The following FAM227A variants were observed in gnomAD, a reference collection of about 807,000 sequenced individuals.
The protein encoded by FAM227A is protein FAM227A.
FAM227A carries 80 observed loss-of-function variants against 74.7 expected under a neutral mutation model. The observed-to-expected ratio is 1.07, with a 90% CI of 0.89 to 1.29. The LOEUF (loss-of-function observed/expected upper bound fraction) is 1.29, where lower values mean the gene tolerates loss of function less well. FAM227A is among the 50% of genes most tolerant of loss of function. The pLI is 0.00. For missense variants in FAM227A, 654 were observed against 683.4 expected (o/e 0.96, Z 0.48); for synonymous variants, 237 against 241.8 (o/e 0.98, Z 0.19).
chr22:38,597,081 G>GA (rs1376645952), intron 15 of FAM227A, 123 bp downstream of exon 15: 1 of 845,020 alleles, frequency 1.2e-6, no homozygotes, highest in East Asian at 2.7e-5. Flanking sequence ...CAAGAAAGCT[G>GA]ATTATGCTTA....
chr22:38,616,691 C>G (rs1212830229), intron 11 of FAM227A, among the ~76,000 whole-genome samples: 2 of 151,218 alleles, frequency 1.3e-5, no homozygotes, highest in Admixed American at 6.6e-5. Flanking sequence ...ATAATAAGTT[C>G]TGGAGTGAAA....
chr22:38,630,341 T>C (rs577964861), intron 6 of FAM227A, among the ~76,000 whole-genome samples: 1 of 152,360 alleles, frequency 6.6e-6, no homozygotes, highest in East Asian at 1.9e-4. Flanking sequence ...CTTTCTCACT[T>C]TTCCTCGTGT....
At chr22:38,604,640 AT>A (rs557659382) in intron 13 of FAM227A, among the ~76,000 whole-genome samples, 157 of 152,042 alleles carry the variant, frequency 1.0e-3, no homozygotes, top group Admixed American at 2.8e-3. Context: ...TTTATCACTT[AT>A]TTGCTTTTTA....
intron 6 of FAM227A, among the ~76,000 whole-genome samples, chr22:38,630,303 G>A (rs982404724): frequency 1.3e-5 from 2 of 152,224 alleles, no homozygotes; most frequent in Non-Finnish European, 2.9e-5. Flanking sequence ...CTCGTAAGGA[G>A]CTCTCTGAGC....
chr22:38,645,713 G>C, intron 2 of FAM227A, 68 bp from the exon 3 acceptor site: 3 of 953,384 alleles, frequency 3.1e-6, no homozygotes, highest in Non-Finnish European at 4.9e-6. Context: ...GGGCTTGTCT[G>C]GTGAGAAGGG....
chr22:38,645,685 TAC>T, intron 2 of FAM227A, 40 bp from the exon 3 acceptor site: 1 of 1,314,394 alleles, frequency 7.6e-7, no homozygotes, highest in East Asian at 2.5e-5. Flanking sequence ...GGGTGATGAT[TAC>T]ACACACAACA....
At chr22:38,632,271 C>T (rs1197163228) in intron 6 of FAM227A, among the ~76,000 whole-genome samples, 1 of 152,096 alleles carries the variant, frequency 6.6e-6, no homozygotes, top group Admixed American at 6.5e-5. Context: ...ATGTGTTCCC[C>T]AAAGTTCATG....
At chr22:38,597,144 G>A (rs775757677) in intron 15 of FAM227A, 60 bp downstream of exon 15, 3 of 1,494,356 alleles carry the variant, frequency 2.0e-6, no homozygotes, top group Admixed American at 4.0e-5. Flanking sequence ...AAATGATGAT[G>A]ATCGTGTGCT....
chr22:38,620,396 C>T (rs915409992), intron 10 of FAM227A, 105 bp from the exon 11 acceptor site: 2 of 856,834 alleles, frequency 2.3e-6, no homozygotes, highest in Non-Finnish European at 3.7e-6. Context: ...GTGACACCCA[C>T]CAGATCTAGG....
intron 16 of FAM227A, among the ~76,000 whole-genome samples, chr22:38,588,927 CA>C (rs781041691): frequency 3.4e-3 from 207 of 61,450 alleles, no homozygotes; most frequent in Admixed American, 0.01. Context: ...GACTCCATCT[CA>C]AAAAAAAAAA....
In FAM227A at chr22:38,636,492, C is replaced by T; in HGVS notation, c.478G>A (p.Gly160Ser). ...PNGVDFCDMV[G>S]NVVRAERDCL... ...TCTCTCTCAGCCCGGACCACGTTGC[C>T]CACCATGTCACAGAAGTCCACGCCA... Residue 160 changes from glycine (G) to serine (S), a missense_variant, in exon 6 of 17, where the codon GGC becomes AGC. Gly to Ser is a moderately conservative substitution (Grantham distance 56). Coordinates refer to ENST00000535113, the MANE Select transcript of FAM227A (RefSeq NM_001013647.2). 6.4e-7 allele frequency: 1 copy of T among 1,551,572 alleles called. No individual in the cohort carries two copies.
At chr22:38,636,777 T>TC (rs2092016141) in intron 5 of FAM227A, among the ~76,000 whole-genome samples, 180 bp from the exon 6 acceptor site, 1 of 150,292 alleles carries the variant, frequency 6.7e-6, no homozygotes. Context: ...TTTCTTTTTT[T>TC]TTTTTTTTTT....
Position 38,632,067 on chromosome 22 carries a change from T to A in FAM227A, c.520-3132A>T, listed in dbSNP as rs185219040. 2.0e-5 allele frequency among the ~76,000 whole-genome samples: 3 copies of A among 151,878 alleles called. No homozygotes were observed. The East Asian group carries it at 5.8e-4, about 29-fold the overall frequency. On this transcript the variant is annotated intron_variant, in intron 6 of 16. Coordinates refer to ENST00000535113, the MANE Select transcript of FAM227A (RefSeq NM_001013647.2). ...GCTGATGCCCAGGTGGAAAGCTGTG[T>A]TTTCAACAAGACGGCGAGCCCTGGA...
intron 6 of FAM227A, among the ~76,000 whole-genome samples, chr22:38,631,786 G>A (rs2091919976): frequency 6.6e-6 from 1 of 152,188 alleles, no homozygotes; most frequent in South Asian, 2.1e-4. Flanking sequence ...CTGGTGCTGA[G>A]ACATTTTCAA....
intron 6 of FAM227A, among the ~76,000 whole-genome samples, chr22:38,631,638 T>G (rs894922766): frequency 4.6e-5 from 7 of 151,940 alleles, no homozygotes; most frequent in Admixed American, 1.3e-4. Flanking sequence ...ACTTGACACA[T>G]GTGGGGTACT....
intron 1 of FAM227A, among the ~76,000 whole-genome samples, 177 bp from the exon 2 acceptor site, chr22:38,650,439 G>C (rs923754129): frequency 6.6e-6 from 1 of 152,098 alleles, no homozygotes; most frequent in Non-Finnish European, 1.5e-5. Context: ...ATATGGACTT[G>C]TTCTTCCAAT....
At chr22:38,614,535 T>C (rs550422855) in intron 11 of FAM227A, among the ~76,000 whole-genome samples, 3 of 152,266 alleles carry the variant, frequency 2.0e-5, no homozygotes, top group East Asian at 1.9e-4. Context: ...ACTACTGCCA[T>C]TGAAATGCAT....
chr22:38,598,814 G>A (rs1051490726), intron 14 of FAM227A, among the ~76,000 whole-genome samples: 5 of 152,080 alleles, frequency 3.3e-5, no homozygotes, highest in Non-Finnish European at 7.4e-5. Flanking sequence ...CAAATCACTC[G>A]GTTTGCAGTA....
Position 38,626,197 on chromosome 22 carries a change from A to T in FAM227A, c.833T>A (p.Met278Lys), listed in dbSNP as rs1167184889. 3 of 1,551,462 alleles carry T rather than the reference A, an allele frequency of 1.9e-6. No homozygotes were observed. Among genetic ancestry groups the T allele is most frequent in the Non-Finnish European group, 2.6e-6 (3 of 1,146,942 alleles). The change falls in exon 9 of 17, where the codon ATG (methionine) becomes AAG (lysine). Residue 278 changes from methionine to lysine, a missense_variant. Met to Lys is a moderately conservative substitution (Grantham distance 95). Transcript: ENST00000535113. ...CCTCTCACCTGAAATCCACAGGCTC[A>T]TTGTGTTACAGATGTCAGACTTGAA... Reference protein sequence around the residue: ...HEFKSDICNTMSLWISGTYPS... With the variant: ...HEFKSDICNTKSLWISGTYPS...
Sources: gnomAD v4.1 joint callset for allele counts (sites outside exome capture counted in the v4.1 genomes callset) on GRCh38, gnomAD v4.1.1 for gene constraint, MANE v1.5 for transcripts, NCBI Gene and HGNC (gene_info 2026-07-23, HGNC 2026-07-21) for gene names.